Variants in SLC17A1 observed in about 807,000 individuals in gnomAD.
The protein encoded by SLC17A1 is solute carrier family 17 member 1, also known as sodium-dependent phosphate transport protein 1.
In SLC17A1, 51 loss-of-function variants were observed where a neutral mutation model predicts 53.5. The ratio of observed to expected loss-of-function variants is 0.95; its 90% CI spans 0.76 to 1.20. The LOEUF is 1.20. SLC17A1 is among the 50% of genes most tolerant of loss of function. The pLI is 0.00. For missense variants in SLC17A1, 538 were observed against 568.2 expected (o/e 0.95, Z 0.54); for synonymous variants, 179 against 198.8 (o/e 0.90, Z 0.84).
At position 25,783,038 on chromosome 6, in the gene SLC17A1, CA is replaced by C. The variant is rs1561819610; in HGVS notation, c.*182del. On this transcript the variant is annotated 3_prime_UTR_variant, in exon 13 of 13. Transcript: ENST00000244527. ...ATTCAGATATATTACATGTTACAAA[CA>C]ACACATGTTAAAAAACGATGCACAC... is the stretch of plus-strand genomic sequence containing the variant. 1 of 152,126 alleles carries C rather than the reference CA, an allele frequency of 6.6e-6. No homozygotes were observed. The highest frequency in any genetic ancestry group is 1.5e-5 in the Non-Finnish European group (1 of 68,004). 9.4% of individuals were successfully genotyped at this position (152,126 alleles called of 1,614,324 possible). A position where few individuals can be genotyped will look rare whatever the true frequency, so the allele number is the denominator to read the frequency against.
the SLC17A1 span, chr6:25,726,555 A>AT: frequency 3.1e-6 from 5 of 1,588,566 alleles, no homozygotes; most frequent in Middle Eastern, 1.7e-4. Context: ...CAGCAACACG[A>AT]GAACCACATT....
In SLC17A1 at chr6:25,825,903, T is replaced by G. The variant is rs989587021; in HGVS notation, c.207+558A>C. On this transcript the variant is annotated intron_variant, in intron 3 of 12. Coordinates refer to ENST00000244527, the MANE Select transcript of SLC17A1 (RefSeq NM_005074.5). ...ATATTCATGTTCACTAATTATTTCC[T>G]CAGTGGTGTGGAGTCTACTGATGAG... 1.2e-4 allele frequency among the ~76,000 whole-genome samples: 18 copies of G among 152,190 alleles called. No individual in the cohort carries two copies. The East Asian group carries it at 3.1e-3, about 26-fold the overall frequency.
chr6:25,774,759 T>C, the SLC17A1 span, among the ~76,000 whole-genome samples: 1 of 152,110 alleles, frequency 6.6e-6, no homozygotes, highest in African/African-American at 2.4e-5. Context: ...GAAAGACAAG[T>C]AGTGACCAGA....
At chr6:25,828,894 T>G (rs1422701461) in intron 2 of SLC17A1, among the ~76,000 whole-genome samples, 1 of 152,088 alleles carries the variant, frequency 6.6e-6, no homozygotes, top group East Asian at 1.9e-4. Context: ...CTGCCAAAAA[T>G]TGTGGAATAC....
intron 12 of SLC17A1, among the ~76,000 whole-genome samples, chr6:25,787,077 A>T (rs914663306): frequency 4.6e-5 from 6 of 130,708 alleles, no homozygotes; most frequent in Admixed American, 3.7e-4. Context: ...AATAAATAAG[A>T]GTGTGGGGTA....
intron 6 of SLC17A1, among the ~76,000 whole-genome samples, chr6:25,817,864 C>T (rs1764414255): frequency 6.6e-6 from 1 of 152,152 alleles, no homozygotes; most frequent in South Asian, 2.1e-4. Flanking sequence ...TTTTTTCAGC[C>T]CCTTTCCTGA....
Position 25,826,370 on chromosome 6 carries a change from A to G in SLC17A1, c.207+91T>C, listed in dbSNP as rs1350571373. The G allele has an allele frequency of 1.8e-5, 18 of 998,962 alleles. No individual in the cohort carries two copies. In the East Asian group the frequency reaches 5.0e-4, roughly 28 times the overall value. The allele number at this position is 998,962 out of a possible 1,614,324, so 61.9% of individuals were successfully genotyped here. Reference sequence around the variant, plus strand: ...AGACTTGAGCTTCTTTTTCAAATATAGTATCATATCAGTACAATTCCATAT... The same window carrying G: ...AGACTTGAGCTTCTTTTTCAAATATGGTATCATATCAGTACAATTCCATAT... On this transcript the variant is annotated intron_variant, in intron 3 of 12. Coordinates refer to ENST00000244527, the MANE Select transcript of SLC17A1 (RefSeq NM_005074.5).
chr6:25,743,702 A>G, the SLC17A1 span, among the ~76,000 whole-genome samples: 6 of 152,222 alleles, frequency 3.9e-5, no homozygotes. Context: ...TGTCATCCAC[A>G]TTAAACAAGG....
intron 8 of SLC17A1, among the ~76,000 whole-genome samples, 184 bp downstream of exon 8, chr6:25,812,647 A>G (rs1381129215): frequency 1.3e-5 from 2 of 152,200 alleles, no homozygotes; most frequent in African/African-American, 4.8e-5. Flanking sequence ...ACTTATGTCT[A>G]CATCAATGCC....
At chr6:25,748,064 G>A in the SLC17A1 span, among the ~76,000 whole-genome samples, 1 of 152,136 alleles carries the variant, frequency 6.6e-6, no homozygotes, top group Non-Finnish European at 1.5e-5. Context: ...AGTAAAACAA[G>A]AATAACATTA....
chr6:25,807,035 G>T (rs188043720), intron 10 of SLC17A1, among the ~76,000 whole-genome samples: 7 of 152,222 alleles, frequency 4.6e-5, no homozygotes, highest in Admixed American at 1.3e-4. Context: ...AATAGACATT[G>T]ATGTGGATGT....
At chr6:25,776,544 G>A in the SLC17A1 span, 72 of 1,546,006 alleles carry the variant, frequency 4.7e-5, no homozygotes, top group South Asian at 5.8e-4. Flanking sequence ...TGTCTGTGTC[G>A]TGGTGGGGGT....
intron 6 of SLC17A1, among the ~76,000 whole-genome samples, chr6:25,814,983 T>TCTCTCACACA (rs773502408): frequency 7.8e-5 from 11 of 140,542 alleles, no homozygotes; most frequent in African/African-American, 2.1e-4. Context: ...CAAGACTCTG[T>TCTCTCACACA]CACACAAACA....
At chr6:25,750,489 C>T in the SLC17A1 span, among the ~76,000 whole-genome samples, 1 of 152,116 alleles carries the variant, frequency 6.6e-6, no homozygotes, top group East Asian at 1.9e-4. Context: ...AAAGATAAAA[C>T]TGAGAAATGA....
the SLC17A1 span, among the ~76,000 whole-genome samples, chr6:25,740,027 A>G: frequency 6.6e-6 from 1 of 152,208 alleles, no homozygotes; most frequent in East Asian, 1.9e-4. Flanking sequence ...GAACCTCTGT[A>G]TACTAGCCTT....
At chr6:25,731,183 C>T in the SLC17A1 span, among the ~76,000 whole-genome samples, 1 of 152,086 alleles carries the variant, frequency 6.6e-6, no homozygotes, top group Non-Finnish European at 1.5e-5. Flanking sequence ...AGGCTTTGGA[C>T]CTCAAATTCC....
the SLC17A1 span, chr6:25,770,125 A>G: frequency 1.2e-6 from 2 of 1,613,832 alleles, no homozygotes; most frequent in Non-Finnish European, 1.7e-6. Flanking sequence ...TCCCTCAACT[A>G]TGGCTCATTC....
the SLC17A1 span, among the ~76,000 whole-genome samples, chr6:25,760,849 A>G: frequency 2.0e-5 from 3 of 152,076 alleles, no homozygotes; most frequent in Non-Finnish European, 4.4e-5. Context: ...TCTAGGGTCC[A>G]TATTTTATTT....
At chr6:25,752,706 A>G in the SLC17A1 span, among the ~76,000 whole-genome samples, 1 of 152,258 alleles carries the variant, frequency 6.6e-6, no homozygotes, top group African/African-American at 2.4e-5. Context: ...TAATCCCAGC[A>G]CTTTGCGAGG....
Sources: allele counts gnomAD v4.1 joint callset (sites outside exome capture counted in the v4.1 genomes callset), GRCh38; gene constraint gnomAD v4.1.1; transcripts MANE v1.5; gene names NCBI Gene and HGNC (gene_info 2026-07-23, HGNC 2026-07-21).